Variants in ZNF804B observed in about 807,000 individuals in gnomAD.
ZNF804B encodes zinc finger 804B.
Under a neutral mutation model 101.4 loss-of-function variants are expected in ZNF804B, and 80 were observed. The ratio of observed to expected loss-of-function variants is 0.79; its 90% CI spans 0.66 to 0.95. The LOEUF is 0.95. Ranked by LOEUF, ZNF804B falls within the 40% of genes least tolerant of loss-of-function variation. The probability of loss-of-function intolerance (pLI) is 0.00; values close to 1 mark genes in which losing one functional copy is unlikely to be tolerated. For missense variants in ZNF804B, 1,673 were observed against 1,561.9 expected (o/e 1.07, Z -1.20); for synonymous variants, 622 against 558.8 (o/e 1.11, Z -1.59).
At chr7:89,164,552 A>T (rs1032660352) in intron 1 of ZNF804B, among the ~76,000 whole-genome samples, 5 of 152,140 alleles carry the variant, frequency 3.3e-5, no homozygotes, top group Admixed American at 2.6e-4. Flanking sequence ...GCACAGGGAC[A>T]CAATAGGTAC....
chr7:88,985,587 G>A (rs930476212), intron 1 of ZNF804B, among the ~76,000 whole-genome samples: 16 of 152,002 alleles, frequency 1.1e-4, no homozygotes, highest in African/African-American at 3.9e-4. Flanking sequence ...ACCTATTTGA[G>A]CTAGTTACCC....
chr7:89,194,696 T>C lies in ZNF804B; in HGVS notation c.109-23459T>C, dbSNP rs1282583165. ...TATCTCTGTTTTGGTACCAGTACCA[T>C]GCTGTTTTGGTTACTGTAGCCTTGT... On this transcript the variant is annotated intron_variant, in intron 1 of 3. Coordinates refer to ENST00000333190, the MANE Select transcript of ZNF804B (RefSeq NM_181646.5). Among the ~76,000 whole-genome samples, 8 of 151,670 alleles carry C rather than the reference T, an allele frequency of 5.3e-5. No homozygotes were observed. The East Asian group carries it at 1.5e-3, about 29-fold the overall frequency.
At chr7:88,767,330 C>T (rs1213449699) in intron 1 of ZNF804B, among the ~76,000 whole-genome samples, 3 of 152,174 alleles carry the variant, frequency 2.0e-5, no homozygotes, top group Non-Finnish European at 4.4e-5. Flanking sequence ...CCCTTCTTCC[C>T]ACAGCTATTA....
intron 1 of ZNF804B, among the ~76,000 whole-genome samples, chr7:88,935,226 A>G (rs1792949112): frequency 6.6e-6 from 1 of 151,880 alleles, no homozygotes; most frequent in Non-Finnish European, 1.5e-5. Flanking sequence ...GAGCTAAGCT[A>G]TGAGGATGTG....
At chr7:88,857,160 G>A (rs1284171007) in intron 1 of ZNF804B, among the ~76,000 whole-genome samples, 5 of 152,048 alleles carry the variant, frequency 3.3e-5, no homozygotes, top group Non-Finnish European at 5.9e-5. Context: ...GAGAAAGCAG[G>A]AAAGATCTAA....
chr7:89,233,441 AT>A (rs1421412282), intron 2 of ZNF804B, among the ~76,000 whole-genome samples: 1 of 152,122 alleles, frequency 6.6e-6, no homozygotes, highest in East Asian at 1.9e-4. Context: ...TTTGATAAAT[AT>A]TTTACAATCA....
At chr7:89,160,592 A>G (rs1791044116) in intron 1 of ZNF804B, among the ~76,000 whole-genome samples, 1 of 152,202 alleles carries the variant, frequency 6.6e-6, no homozygotes, top group African/African-American at 2.4e-5. Context: ...ATTTCAAAAA[A>G]GCTCTACCAT....
At chr7:88,937,030 T>C (rs1001386092) in intron 1 of ZNF804B, among the ~76,000 whole-genome samples, 6 of 148,856 alleles carry the variant, frequency 4.0e-5, no homozygotes, top group Non-Finnish European at 5.9e-5. Context: ...TGGATAATTC[T>C]AGCAAAATAG....
intron 2 of ZNF804B, among the ~76,000 whole-genome samples, chr7:89,284,751 TA>T (rs1790155442): frequency 6.6e-6 from 1 of 151,868 alleles, no homozygotes; most frequent in Non-Finnish European, 1.5e-5. Flanking sequence ...CAAGCAAAAG[TA>T]AGGTGAAAGA....
At chr7:88,987,119 A>C (rs940215266) in intron 1 of ZNF804B, among the ~76,000 whole-genome samples, 1 of 152,140 alleles carries the variant, frequency 6.6e-6, no homozygotes, top group African/African-American at 2.4e-5. Flanking sequence ...TTACAATTGC[A>C]TGAAATTTTA....
At chr7:89,129,893 A>G (rs1790522461) in intron 1 of ZNF804B, among the ~76,000 whole-genome samples, 1 of 152,024 alleles carries the variant, frequency 6.6e-6, no homozygotes, top group African/African-American at 2.4e-5. Flanking sequence ...AGACAAAAAT[A>G]TATATTTGGG....
chr7:89,286,652 G>A (rs1035411961), intron 2 of ZNF804B, among the ~76,000 whole-genome samples: 2 of 152,138 alleles, frequency 1.3e-5, no homozygotes, highest in South Asian at 4.1e-4. Flanking sequence ...ATGCTTCCAA[G>A]CTAATGCTGG....
chr7:89,003,723 G>A (rs144205935), intron 1 of ZNF804B, among the ~76,000 whole-genome samples: 62 of 151,990 alleles, frequency 4.1e-4, no homozygotes, highest in Admixed American at 3.5e-3. Context: ...TCTTCTGAGT[G>A]CCTCGTGCTG....
intron 1 of ZNF804B, among the ~76,000 whole-genome samples, chr7:88,793,571 C>T (rs6974763): frequency 0.16 from 24,295 of 151,940 alleles, 1,989 homozygotes; most frequent in African/African-American, 0.2. Context: ...AATATGTGGG[C>T]TTTGGAAATA....
intron 2 of ZNF804B, among the ~76,000 whole-genome samples, chr7:89,219,280 T>G (rs1473211751): frequency 6.6e-6 from 1 of 152,134 alleles, no homozygotes; most frequent in African/African-American, 2.4e-5. Flanking sequence ...GGATTCTAAG[T>G]TATAGGAAAT....
At chr7:88,951,996 A>G (rs1246482625) in intron 1 of ZNF804B, among the ~76,000 whole-genome samples, 1 of 151,808 alleles carries the variant, frequency 6.6e-6, no homozygotes, top group African/African-American at 2.4e-5. Context: ...CATGTATTGG[A>G]AAGGAAATGC....
chr7:88,892,201 C>A (rs987779342), intron 1 of ZNF804B, among the ~76,000 whole-genome samples: 1 of 151,972 alleles, frequency 6.6e-6, no homozygotes, highest in Non-Finnish European at 1.5e-5. Context: ...TTTAGATCTA[C>A]ATTTATTTTC....
intron 1 of ZNF804B, among the ~76,000 whole-genome samples, chr7:88,900,646 AT>A (rs964088618): frequency 1.3e-5 from 2 of 150,594 alleles, no homozygotes; most frequent in Non-Finnish European, 3.0e-5. Flanking sequence ...GTATACTCCC[AT>A]GTGGGTTTAG....
At chr7:89,037,695 C>T (rs1278746180) in intron 1 of ZNF804B, among the ~76,000 whole-genome samples, 2 of 151,906 alleles carry the variant, frequency 1.3e-5, no homozygotes, top group Non-Finnish European at 2.9e-5. Context: ...TTGTAAATTT[C>T]AAGTATACAA....
Sources: gnomAD v4.1 joint callset for allele counts (sites outside exome capture counted in the v4.1 genomes callset) on GRCh38, gnomAD v4.1.1 for gene constraint, MANE v1.5 for transcripts, NCBI Gene and HGNC (gene_info 2026-07-23, HGNC 2026-07-21) for gene names.